SPATA6: variants seen among roughly 807,000 people sequenced by gnomAD.
SPATA6 encodes spermatogenesis associated 6.
SPATA6 carries 56 observed loss-of-function variants against 65.3 expected under a neutral mutation model. The ratio of observed to expected loss-of-function variants is 0.86; its 90% CI spans 0.69 to 1.07. SPATA6 has a LOEUF of 1.07. Ranked by LOEUF, SPATA6 falls within the 50% of genes least tolerant of loss-of-function variation. SPATA6 has a pLI of 0.00. For synonymous variants in SPATA6, 199 were observed against 213.2 expected (o/e 0.93, Z 0.58); for missense variants, 590 against 594.8 (o/e 0.99, Z 0.08).
the SPATA6 span, among the ~76,000 whole-genome samples, chr1:48,289,174 T>C: frequency 6.6e-6 from 1 of 152,182 alleles, no homozygotes; most frequent in African/African-American, 2.4e-5. Flanking sequence ...GACAGCAACA[T>C]TTGCTGTTCT....
intron 3 of SPATA6, among the ~76,000 whole-genome samples, chr1:48,442,717 TAAAAAAAAAAAAAA>T (rs71056669): frequency 2.2e-5 from 1 of 46,212 alleles, no homozygotes; most frequent in Non-Finnish European, 3.8e-5. Context: ...ATGGAAGTAG[TAAAAAAAAAAAAAA>T]AAAAAAAAAA....
At chr1:48,395,150 A>G in intron 8 of SPATA6, 117 bp downstream of exon 8, 1 of 665,924 alleles carries the variant, frequency 1.5e-6, no homozygotes. Flanking sequence ...AAGCTACATT[A>G]TACAATATTA....
chr1:48,289,177 G>C, the SPATA6 span, among the ~76,000 whole-genome samples: 19 of 152,192 alleles, frequency 1.2e-4, no homozygotes, highest in African/African-American at 1.9e-4. Context: ...AGCAACATTT[G>C]CTGTTCTGCA....
chr1:48,282,258 C>G, the SPATA6 span, among the ~76,000 whole-genome samples: 1 of 152,152 alleles, frequency 6.6e-6, no homozygotes, highest in African/African-American at 2.4e-5. Flanking sequence ...CATTACCATT[C>G]AGGACATAGG....
At chr1:48,461,355 T>G (rs1403879813) in intron 1 of SPATA6, among the ~76,000 whole-genome samples, 3 of 152,226 alleles carry the variant, frequency 2.0e-5, no homozygotes, top group Non-Finnish European at 2.9e-5. Flanking sequence ...AGATCCCATT[T>G]GTCAATTTTG....
At chr1:48,285,708 T>G in the SPATA6 span, among the ~76,000 whole-genome samples, 1 of 152,152 alleles carries the variant, frequency 6.6e-6, no homozygotes, top group African/African-American at 2.4e-5. Context: ...CCTGACCACT[T>G]GCACTTCCTG....
chr1:48,330,242 G>A (rs1645877548), intron 11 of SPATA6, among the ~76,000 whole-genome samples: 1 of 152,178 alleles, frequency 6.6e-6, no homozygotes, highest in African/African-American at 2.4e-5. Flanking sequence ...GAATTCAGCT[G>A]GAGGGTGTAG....
chr1:48,355,639 T>C (rs759785717), intron 11 of SPATA6, 31 bp downstream of exon 11: 19 of 1,514,670 alleles, frequency 1.3e-5, no homozygotes, highest in South Asian at 5.8e-5. Flanking sequence ...CTATTATAAA[T>C]AGTCTTCAAA....
At chr1:48,316,071 T>A (rs1409798040) in intron 11 of SPATA6, among the ~76,000 whole-genome samples, 2 of 152,050 alleles carry the variant, frequency 1.3e-5, no homozygotes, top group Non-Finnish European at 2.9e-5. Context: ...TGCTCACGGG[T>A]AGGAAGAATC....
chr1:48,321,090 A>G (rs1645585973), intron 11 of SPATA6, among the ~76,000 whole-genome samples: 1 of 152,216 alleles, frequency 6.6e-6, no homozygotes, highest in African/African-American at 2.4e-5. Flanking sequence ...ACAGGAAGAC[A>G]GGAAGAAAAG....
At chr1:48,461,100 C>CT (rs1317575427) in intron 1 of SPATA6, among the ~76,000 whole-genome samples, 1 of 151,788 alleles carries the variant, frequency 6.6e-6, no homozygotes, top group African/African-American at 2.4e-5. Context: ...AATATGATAG[C>CT]TTTTTTCATG....
chr1:48,337,739 G>A (rs1646099225), intron 11 of SPATA6, among the ~76,000 whole-genome samples: 1 of 151,840 alleles, frequency 6.6e-6, no homozygotes, highest in Non-Finnish European at 1.5e-5. Flanking sequence ...AGGTATAATA[G>A]CATAAAAATA....
chr1:48,400,272 C>T (rs1296730999), intron 6 of SPATA6, among the ~76,000 whole-genome samples: 1 of 151,612 alleles, frequency 6.6e-6, no homozygotes, highest in East Asian at 1.9e-4. Context: ...AATTCTGGTC[C>T]CATATTTTTA....
At chr1:48,448,281 A>C (rs1656252489) in intron 3 of SPATA6, among the ~76,000 whole-genome samples, 1 of 151,664 alleles carries the variant, frequency 6.6e-6, no homozygotes. Context: ...AAAAAGGAGA[A>C]GCTGAAAAAG....
chr1:48,454,448 C>G (rs1165845065), intron 1 of SPATA6, among the ~76,000 whole-genome samples: 1 of 152,156 alleles, frequency 6.6e-6, no homozygotes, highest in Non-Finnish European at 1.5e-5. Context: ...CAATGAACAT[C>G]TCCTACACCA....
the SPATA6 span, among the ~76,000 whole-genome samples, chr1:48,279,621 A>G: frequency 2.6e-5 from 4 of 152,364 alleles, no homozygotes; most frequent in African/African-American, 7.2e-5. Context: ...CAATTCAACA[A>G]GAAGAGCTAA....
chr1:48,397,819 C>T (rs1570445767), intron 7 of SPATA6, among the ~76,000 whole-genome samples: 2 of 151,464 alleles, frequency 1.3e-5, no homozygotes, highest in African/African-American at 2.4e-5. Flanking sequence ...GGGAGGGAAA[C>T]CATTTAAATA....
rs1569964177 is a variant in SPATA6 at position 48,298,569 on chromosome 1, G to T, written c.*144C>A. ...GCTTGCCTATGATAATTTACCATTT[G>T]AAGTAATGAACTTATTCAAGTATAA... On this transcript the variant is annotated 3_prime_UTR_variant, in exon 13 of 13. Coordinates refer to ENST00000371847, the MANE Select transcript of SPATA6 (RefSeq NM_019073.4). 1.4e-5 allele frequency: 10 copies of T among 706,430 alleles called. No individual in the cohort carries two copies. The East Asian group carries it at 2.8e-4, about 20-fold the overall frequency. 43.8% of individuals were successfully genotyped at this position (706,430 alleles called of 1,614,324 possible).
At chr1:48,374,108 C>T (rs1020943162) in intron 9 of SPATA6, among the ~76,000 whole-genome samples, 4 of 152,156 alleles carry the variant, frequency 2.6e-5, no homozygotes, top group East Asian at 1.9e-4. Context: ...GTCTCTGCCA[C>T]ATTCACTATT....
Sources: allele counts gnomAD v4.1 joint callset (sites outside exome capture counted in the v4.1 genomes callset), GRCh38; gene constraint gnomAD v4.1.1; transcripts MANE v1.5; gene names NCBI Gene and HGNC (gene_info 2026-07-23, HGNC 2026-07-21).